Variants in PTPRD observed in about 807,000 individuals in gnomAD.
The protein encoded by PTPRD is receptor-type tyrosine-protein phosphatase delta.
Under a neutral mutation model 214.5 loss-of-function variants are expected in PTPRD, and 34 were observed. The ratio of observed to expected loss-of-function variants is 0.16; its 90% CI spans 0.12 to 0.21. PTPRD has a LOEUF of 0.21. Ranked by LOEUF, PTPRD falls within the 10% of genes least tolerant of loss-of-function variation. PTPRD has a pLI of 1.00. For synonymous variants in PTPRD, 1,128 were observed against 845.7 expected, an observed-to-expected ratio of 1.33 and a Z score of -5.79; for missense variants, 2,545 against 2,398.7, an observed-to-expected ratio of 1.06 and a Z score of -1.27.
intron 8 of PTPRD, among the ~76,000 whole-genome samples, chr9:9,480,413 A>G (rs2095356489): frequency 6.6e-6 from 1 of 152,220 alleles, no homozygotes; most frequent in Non-Finnish European, 1.5e-5. Context: ...TTTCAAATAT[A>G]AAAGAATTTT....
At chr9:10,092,352 T>C (rs1167625525) in intron 3 of PTPRD, among the ~76,000 whole-genome samples, 3 of 151,410 alleles carry the variant, frequency 2.0e-5, no homozygotes, top group African/African-American at 7.3e-5. Context: ...AATGCCTAAC[T>C]TGACAGAACA....
intron 3 of PTPRD, among the ~76,000 whole-genome samples, chr9:10,059,727 G>A (rs390131): frequency 0.17 from 25,060 of 150,758 alleles, 4,644 homozygotes; most frequent in African/African-American, 0.46. Context: ...ATTTGTAAGC[G>A]TCATAAACAT....
chr9:8,730,850 G>C (rs548577955), intron 12 of PTPRD, among the ~76,000 whole-genome samples: 23 of 152,328 alleles, frequency 1.5e-4, no homozygotes, highest in Admixed American at 7.8e-4. Flanking sequence ...TGCTCGAACA[G>C]AAGTCGCATA....
intron 10 of PTPRD, among the ~76,000 whole-genome samples, chr9:9,121,146 T>C (rs968759662): frequency 6.6e-6 from 1 of 152,150 alleles, no homozygotes; most frequent in Non-Finnish European, 1.5e-5. Context: ...ATAAGAAACA[T>C]GGCATAGATG....
intron 5 of PTPRD, among the ~76,000 whole-genome samples, chr9:9,919,449 T>G (rs1025573112): frequency 2.6e-5 from 4 of 152,140 alleles, no homozygotes; most frequent in Admixed American, 6.6e-5. Flanking sequence ...CCCTTACCAG[T>G]GAACTCAGTT....
chr9:8,647,004 A>C (rs1329160886), intron 12 of PTPRD, among the ~76,000 whole-genome samples: 1 of 152,246 alleles, frequency 6.6e-6, no homozygotes, highest in Non-Finnish European at 1.5e-5. Context: ...TGGAATACAA[A>C]GTCTATGTGA....
At chr9:9,923,117 GT>G (rs1306201988) in intron 5 of PTPRD, among the ~76,000 whole-genome samples, 18 of 101,366 alleles carry the variant, frequency 1.8e-4, no homozygotes, top group Non-Finnish European at 2.6e-4. Flanking sequence ...GACTGTGTGT[GT>G]GGGGGGTGTG....
Position 9,096,000 on chromosome 9 carries a change from C to T in PTPRD, c.-142-77265G>A, listed in dbSNP as rs143517969. On this transcript the variant is annotated intron_variant, in intron 10 of 45. Transcript: ENST00000381196. ...TAGGCTAAGTGAAATAAGCCAGACT[C>T]AGAAAGAAAATATTGCGTTATTCTA... 5.9e-5 allele frequency among the ~76,000 whole-genome samples: 9 copies of T among 152,202 alleles called. No individual in the cohort carries two copies. In the East Asian group the frequency reaches 1.7e-3, roughly 29 times the overall value.
At chr9:9,190,378 G>C (rs2099934372) in intron 9 of PTPRD, among the ~76,000 whole-genome samples, 1 of 152,032 alleles carries the variant, frequency 6.6e-6, no homozygotes, top group African/African-American at 2.4e-5. Context: ...CTATTCTTGT[G>C]ATAGTGAATA....
chr9:8,364,047 A>G (rs577532679), intron 39 of PTPRD, among the ~76,000 whole-genome samples: 3 of 152,362 alleles, frequency 2.0e-5, no homozygotes, highest in Admixed American at 1.3e-4. Context: ...TTATTTATAT[A>G]CAATATTTCA....
At chr9:10,432,418 C>T (rs1468378200) in intron 2 of PTPRD, among the ~76,000 whole-genome samples, 1 of 151,616 alleles carries the variant, frequency 6.6e-6, no homozygotes, top group Non-Finnish European at 1.5e-5. Flanking sequence ...CACATGTACC[C>T]TAAAACTTAA....
chr9:9,979,860 C>T (rs1026462825), intron 4 of PTPRD, among the ~76,000 whole-genome samples: 1 of 152,094 alleles, frequency 6.6e-6, no homozygotes, highest in African/African-American at 2.4e-5. Context: ...AAATTAGATA[C>T]ATATCAGAGA....
At chr9:10,200,426 C>A (rs1235878112) in intron 3 of PTPRD, among the ~76,000 whole-genome samples, 2 of 152,010 alleles carry the variant, frequency 1.3e-5, no homozygotes, top group African/African-American at 2.4e-5. Context: ...GCCAGGAATG[C>A]TGCTAAACAT....
At chr9:8,455,540 C>T (rs185218683) in intron 33 of PTPRD, among the ~76,000 whole-genome samples, 39 of 152,128 alleles carry the variant, frequency 2.6e-4, no homozygotes, top group Admixed American at 5.9e-4. Context: ...TTTCTTAATG[C>T]CAATGAAATA....
At chr9:9,126,493 T>C (rs1268302679) in intron 10 of PTPRD, among the ~76,000 whole-genome samples, 2 of 152,184 alleles carry the variant, frequency 1.3e-5, no homozygotes, top group Non-Finnish European at 2.9e-5. Flanking sequence ...TAAACAAGAT[T>C]AAAATTTCTA....
intron 7 of PTPRD, among the ~76,000 whole-genome samples, chr9:9,612,452 C>G (rs532204758): frequency 3.9e-5 from 6 of 152,238 alleles, no homozygotes; most frequent in South Asian, 2.1e-4. Context: ...GCAGTTTGCA[C>G]CTGTTGTTTT....
chr9:10,236,530 G>C (rs1050222550), intron 3 of PTPRD, among the ~76,000 whole-genome samples: 7 of 151,790 alleles, frequency 4.6e-5, no homozygotes, highest in Non-Finnish European at 1.0e-4. Context: ...CATTTTCCCA[G>C]CACATTCTAT....
intron 3 of PTPRD, among the ~76,000 whole-genome samples, chr9:10,110,557 A>G (rs76161250): frequency 0.029 from 4,432 of 152,352 alleles, 85 homozygotes; most frequent in Middle Eastern, 0.051. Context: ...GGGAAACAAA[A>G]ACATGAGAAA....
intron 3 of PTPRD, among the ~76,000 whole-genome samples, chr9:10,294,967 T>C (rs990615393): frequency 6.7e-6 from 1 of 149,916 alleles, no homozygotes; most frequent in Non-Finnish European, 1.5e-5. Flanking sequence ...CAATTTACCA[T>C]AGTAAGTTCT....
Sources: allele counts gnomAD v4.1 joint callset (sites outside exome capture counted in the v4.1 genomes callset), GRCh38; gene constraint gnomAD v4.1.1; transcripts MANE v1.5; gene names NCBI Gene and HGNC (gene_info 2026-07-23, HGNC 2026-07-21).